Variants in NUP205 observed in about 807,000 individuals in gnomAD.
The protein encoded by NUP205 is nucleoporin 205.
In NUP205, 76 loss-of-function variants were observed where a neutral mutation model predicts 253.8. That is an observed-to-expected ratio of 0.30 (90% CI 0.25 to 0.36). The LOEUF is 0.36. Ranked by LOEUF, NUP205 falls within the 10% of genes least tolerant of loss-of-function variation. The probability of loss-of-function intolerance (pLI) is 1.00; values close to 1 mark genes in which losing one functional copy is unlikely to be tolerated. For synonymous variants in NUP205, 832 were observed against 850.1 expected, an observed-to-expected ratio of 0.98 and a Z score of 0.37; for missense variants, 2,162 against 2,425.5, an observed-to-expected ratio of 0.89 and a Z score of 2.28.
At chr7:135,648,369 C>A in intron 42 of NUP205, 35 bp from the exon 43 acceptor site, 2 of 1,494,378 alleles carry the variant, frequency 1.3e-6, no homozygotes, top group African/African-American at 1.5e-5. Flanking sequence ...TTTGAGACAA[C>A]AATTTTAACA....
Position 135,577,020 on chromosome 7 carries a change from A to G in NUP205, c.540A>G (p.Gln180=). ...TTRFTDELME[Q]GLTYKVLTLV... ...GCTTTACAGATGAGCTGATGGAGCA[A>G]GGATTGACTTATAAAGTTCTTACGC... The change falls in exon 5 of 43, where the codon CAA becomes CAG. Residue 180 remains glutamine (Q), a synonymous_variant. Transcript: ENST00000285968. 1.9e-6 allele frequency: 3 copies of G among 1,614,142 alleles called. No individual in the cohort carries two copies. The highest frequency in any genetic ancestry group is 2.5e-6 in the Non-Finnish European group (3 of 1,179,956).
chr7:135,616,487 T>C (rs1260412395), intron 24 of NUP205, among the ~76,000 whole-genome samples, 168 bp from the exon 25 acceptor site: 2 of 152,242 alleles, frequency 1.3e-5, no homozygotes, highest in Non-Finnish European at 2.9e-5. Flanking sequence ...TTAATGTTGG[T>C]AGTAAATCCT....
chr7:135,576,881 CAAAAA>C, intron 4 of NUP205, 83 bp from the exon 5 acceptor site: 1 of 1,311,648 alleles, frequency 7.6e-7, no homozygotes, highest in Non-Finnish European at 1.0e-6. Flanking sequence ...GGCCCTGTCT[CAAAAA>C]AAGAGCGTTT....
intron 1 of NUP205, among the ~76,000 whole-genome samples, chr7:135,570,048 T>TAGAGAGAGAG (rs1427743388): frequency 1.0e-5 from 1 of 99,766 alleles, no homozygotes; most frequent in African/African-American, 3.6e-5. Flanking sequence ...TATATATATA[T>TAGAGAGAGAG]ATATAGAGAG....
intron 2 of NUP205, among the ~76,000 whole-genome samples, chr7:135,572,760 C>T (rs935416464): frequency 6.6e-5 from 10 of 151,800 alleles, no homozygotes; most frequent in South Asian, 6.2e-4. Flanking sequence ...TCACCACGTT[C>T]GCCAGGCTGG....
chr7:135,610,277 G>A (rs1794194751), intron 22 of NUP205, among the ~76,000 whole-genome samples: 1 of 152,166 alleles, frequency 6.6e-6, no homozygotes, highest in Admixed American at 6.5e-5. Flanking sequence ...GTGGAGTGCA[G>A]TGGCACGATC....
chr7:135,593,458 G>GT (rs1235996341), intron 12 of NUP205, among the ~76,000 whole-genome samples: 6 of 152,180 alleles, frequency 3.9e-5, no homozygotes, highest in African/African-American at 1.4e-4. Flanking sequence ...AGAACCAGTT[G>GT]TTGGATGCAT....
chr7:135,618,743 A>G (rs1250536421), intron 28 of NUP205, 140 bp downstream of exon 28: 5 of 679,004 alleles, frequency 7.4e-6, no homozygotes, highest in Non-Finnish European at 1.2e-5. Flanking sequence ...ACTTTCCTTG[A>G]GAAAGGGATT....
In NUP205 at chr7:135,616,040, T is replaced by A; in HGVS notation, c.3435T>A (p.Asp1145Glu). ...HTQRLLHLLL[D>E]DMPVKPYSDG... ...AGAGGCTCCTACACCTCTTACTGGA[T>A]GACATGCCAGTGAAACCATACTCAG... The change falls in exon 24 of 43, where the codon GAT becomes GAA. Residue 1145 changes from aspartate to glutamate, a missense_variant. Physicochemically the swap from Asp to Glu is conservative, Grantham distance 45. This residue lies in a region of NUP205 where 1,144 missense variants were observed against 1,280.9 expected (regional missense o/e 0.89). Coordinates refer to ENST00000285968, the MANE Select transcript of NUP205 (RefSeq NM_015135.3). 1.2e-6 allele frequency: 2 copies of A among 1,613,648 alleles called. No homozygotes were observed. Among genetic ancestry groups the A allele is most frequent in the Non-Finnish European group, 1.7e-6 (2 of 1,179,702 alleles).
chr7:135,643,763 A>C (rs754131317), intron 39 of NUP205, among the ~76,000 whole-genome samples: 7 of 152,200 alleles, frequency 4.6e-5, no homozygotes, highest in Non-Finnish European at 8.8e-5. Flanking sequence ...ATGAGACTTG[A>C]CTGCCTTCCC....
At chr7:135,630,503 A>G (rs1261534296) in intron 35 of NUP205, 33 bp downstream of exon 35, 2 of 1,561,530 alleles carry the variant, frequency 1.3e-6, no homozygotes, top group Non-Finnish European at 1.7e-6. Flanking sequence ...ATTTTTAATA[A>G]TTCTTTAAAG....
intron 2 of NUP205, among the ~76,000 whole-genome samples, chr7:135,573,412 T>C (rs1020785323): frequency 1.3e-5 from 2 of 152,176 alleles, no homozygotes; most frequent in African/African-American, 4.8e-5. Context: ...GTATATTTTC[T>C]CCAAATTTTT....
chr7:135,641,340 A>G (rs953171533), intron 38 of NUP205, among the ~76,000 whole-genome samples: 7 of 152,216 alleles, frequency 4.6e-5, no homozygotes, highest in African/African-American at 9.7e-5. Flanking sequence ...CTCTATAACA[A>G]TGTATTGTGA....
chr7:135,600,960 G>A lies in NUP205; in HGVS notation c.2365G>A (p.Glu789Lys). The A allele has an allele frequency of 6.3e-7, 1 of 1,585,092 alleles. No homozygotes were observed. Among genetic ancestry groups the A allele is most frequent in the Non-Finnish European group, 8.7e-7 (1 of 1,155,032 alleles). Residue 789 changes from glutamate to lysine, a missense_variant, in exon 16 of 43, where the codon GAA becomes AAA. Glu to Lys is a moderately conservative substitution (Grantham distance 56). Coordinates refer to ENST00000285968, the MANE Select transcript of NUP205 (RefSeq NM_015135.3). ...TGAAGATTTTGTAGACCAGTTTGTG[G>A]AACTACAAGGTAATTTAATTCTGTC... is the stretch of plus-strand genomic sequence containing the variant. ...QLEDFVDQFV[E>K]LQGEEIIAYK... is the part of the protein sequence containing the mutation.
intron 7 of NUP205, among the ~76,000 whole-genome samples, chr7:135,579,160 G>A (rs1293330301): frequency 6.6e-6 from 1 of 151,722 alleles, no homozygotes; most frequent in Non-Finnish European, 1.5e-5. Flanking sequence ...TACCTTCAGG[G>A]TATGAGTTTA....
chr7:135,623,050 G>A, intron 31 of NUP205, 125 bp downstream of exon 31: 1 of 902,748 alleles, frequency 1.1e-6, no homozygotes. Context: ...GGCCAAGGTG[G>A]GTGGATTTCT....
chr7:135,645,028 A>G lies in NUP205; in HGVS notation c.5683+10A>G, dbSNP rs756638374. 6 of 1,613,454 alleles carry G rather than the reference A, an allele frequency of 3.7e-6. No individual in the cohort carries two copies. In the South Asian group the frequency reaches 6.6e-5, roughly 18 times the overall value. On this transcript the variant is annotated intron_variant, in intron 40 of 42. Coordinates refer to ENST00000285968, the MANE Select transcript of NUP205 (RefSeq NM_015135.3). ...CTTTCCCTTTGTTCTTGTATCCTTT[A>G]TGAAATCATGCACTTGAATGATGAC...
intron 1 of NUP205, among the ~76,000 whole-genome samples, chr7:135,560,049 G>C (rs1487382414): frequency 6.6e-6 from 1 of 152,104 alleles, no homozygotes; most frequent in African/African-American, 2.4e-5. Flanking sequence ...TAGTAGAGAA[G>C]GGGTTTCACC....
At chr7:135,600,847 G>T in intron 15 of NUP205, 23 bp from the exon 16 acceptor site, 2 of 1,431,852 alleles carry the variant, frequency 1.4e-6, no homozygotes, top group South Asian at 2.4e-5. Context: ...TATTGTTATT[G>T]ACCTATTTAT....
Sources: gnomAD v4.1 joint callset for allele counts (sites outside exome capture counted in the v4.1 genomes callset) on GRCh38, gnomAD v4.1.1 for gene constraint, gnomAD v4.1.1 regional missense constraint, MANE v1.5 for transcripts, NCBI Gene and HGNC (gene_info 2026-07-23, HGNC 2026-07-21) for gene names.